MIA2: variants seen among roughly 807,000 people sequenced by gnomAD.
MIA2 encodes the protein MIA SH3 domain ER export factor 2.
In MIA2, 127 loss-of-function variants were observed where a neutral mutation model predicts 167.8. The observed-to-expected ratio is 0.76, with a 90% confidence interval of 0.66 to 0.88. The LOEUF (loss-of-function observed/expected upper bound fraction) is 0.88, where lower values mean the gene tolerates loss of function less well. Among genes scored for constraint, MIA2 ranks in the 40% least tolerant of loss-of-function variants. The pLI, the probability that MIA2 is intolerant of heterozygous loss-of-function variation, is 0.00. For missense variants in MIA2, 1,690 were observed against 1,624.7 expected, an observed-to-expected ratio of 1.04 and a Z score of -0.69; for synonymous variants, 552 against 541.9, an observed-to-expected ratio of 1.02 and a Z score of -0.26.
In MIA2 at chr14:39,312,202, A is replaced by C. The variant is rs375336944; in HGVS notation, c.3018-1138A>C. ...ATTTCTATTATTAATAGGCCCACCC[A>C]AATTCAATGGGAAGGTACATAAACC... is the stretch of plus-strand genomic sequence containing the variant. On this transcript the variant is annotated intron_variant, in intron 18 of 28. Coordinates refer to ENST00000640607, the MANE Select transcript of MIA2 (RefSeq NM_001329214.4). Among the ~76,000 whole-genome samples the C allele has an allele frequency of 6.0e-4, 92 of 152,292 alleles. 1 individual carries two copies. Among genetic ancestry groups the C allele is most frequent in the African/African-American group, 2.1e-3 (88 of 41,576 alleles).
At position 39,373,173 on chromosome 14, in the gene MIA2, T is replaced by C. The variant is rs79871786; in HGVS notation, c.2249-13712T>C. 7.4e-3 allele frequency among the ~76,000 whole-genome samples: 1,130 copies of C among 152,308 alleles called. 12 individuals carry two copies. Among genetic ancestry groups the C allele is most frequent in the African/African-American group, 0.026 (1,081 of 41,562 alleles). The stretch of plus-strand genomic sequence containing the variant: ...TTCAATGAAGAAGTGAAAAAGGATT[T>C]AATTATGGTTTTAGGATATCACTAA... On this transcript the variant is annotated intron_variant, in intron 23 of 23. Transcript: ENST00000341502.
intron 9 of MIA2, among the ~76,000 whole-genome samples, chr14:39,290,401 T>G (rs780028773): frequency 3.3e-5 from 5 of 152,192 alleles, no homozygotes; most frequent in Non-Finnish European, 5.9e-5. Context: ...CAACGTAGTC[T>G]TCAATTTGAT....
At position 39,350,530 on chromosome 14, in the gene MIA2, T is replaced by C. The variant is rs8177; in HGVS notation, c.*266T>C. ...GTGGGAGTTTTATATATGTAATCTT[T>C]CAGGTGGGGAGGCTTTAAATTCTGA... On this transcript the variant is annotated 3_prime_UTR_variant, in exon 29 of 29. Transcript: ENST00000640607. 30 of 310,088 alleles carry C rather than the reference T, an allele frequency of 9.7e-5. No individual in the cohort carries two copies. Among genetic ancestry groups the C allele is most frequent in the Middle Eastern group, 8.8e-4 (1 of 1,138 alleles). 19.2% of individuals were successfully genotyped at this position (310,088 alleles called of 1,614,324 possible).
At chr14:39,364,894 C>A (rs2074783771) in intron 23 of MIA2, among the ~76,000 whole-genome samples, 1 of 151,692 alleles carries the variant, frequency 6.6e-6, no homozygotes, top group Non-Finnish European at 1.5e-5. Flanking sequence ...CTGTTTTTGA[C>A]TTTAAACAGT....
intron 25 of MIA2, among the ~76,000 whole-genome samples, chr14:39,340,286 A>G (rs1247383533): frequency 1.3e-5 from 2 of 152,206 alleles, no homozygotes; most frequent in African/African-American, 4.8e-5. Flanking sequence ...CAAAGAGACT[A>G]AGCAACCATA....
Position 39,350,122 on chromosome 14 carries a change from GT to G in MIA2, c.4101del (p.Pro1368LeufsTer27). ...FAMRNVYPPR[G>X]FPPYLPPRPG... ...GTGAGAAATGTCTATCCACCGAGGG[GT>G]TTTCCTCCTTACCTTCCCCCAAGAC... On this transcript the variant is annotated frameshift_variant, in exon 29 of 29. Transcript: ENST00000640607. LOFTEE classifies it high-confidence loss of function. The G allele has an allele frequency of 2.2e-6, 3 of 1,382,096 alleles. No homozygotes were observed. Among genetic ancestry groups the G allele is most frequent in the Non-Finnish European group, 3.0e-6 (3 of 1,012,984 alleles). The allele number at this position is 1,382,096 out of a possible 1,614,324, so 85.6% of individuals were successfully genotyped here.
At chr14:39,317,561 TA>T (rs1005403227) in intron 21 of MIA2, among the ~76,000 whole-genome samples, 1 of 152,054 alleles carries the variant, frequency 6.6e-6, no homozygotes, top group African/African-American at 2.4e-5. Context: ...GATTTGAGGG[TA>T]GGGGGATAAT....
At chr14:39,280,088 G>A (rs879698930) in intron 9 of MIA2, among the ~76,000 whole-genome samples, 7 of 152,028 alleles carry the variant, frequency 4.6e-5, no homozygotes, top group African/African-American at 1.5e-4. Context: ...TTTCCTGGGC[G>A]TGTCGAGTTA....
chr14:39,267,980 A>ATTT lies in MIA2; in HGVS notation c.1888-8942_1888-8940dup, dbSNP rs10700134. Among the ~76,000 whole-genome samples, 204 of 144,916 alleles carry ATTT rather than the reference A, an allele frequency of 1.4e-3. 5 individuals are homozygous for ATTT. The highest frequency in any genetic ancestry group is 3.9e-3 in the South Asian group (18 of 4,618). ...CGGGGAGTTGAAATTTTGATTCTGC[A>ATTT]TTTTTTTTTTTTTTGGTAAAGAATG... On this transcript the variant is annotated intron_variant, in intron 6 of 28. Coordinates refer to ENST00000640607, the MANE Select transcript of MIA2 (RefSeq NM_001329214.4).
intron 23 of MIA2, among the ~76,000 whole-genome samples, chr14:39,377,151 C>T (rs1052081458): frequency 6.7e-6 from 1 of 150,348 alleles, no homozygotes; most frequent in Non-Finnish European, 1.5e-5. Context: ...TATTCCTAGA[C>T]GAATAGGTCT....
chr14:39,348,649 T>C, intron 27 of MIA2, 94 bp from the exon 28 acceptor site: 1 of 1,516,784 alleles, frequency 6.6e-7, no homozygotes, highest in Admixed American at 1.7e-5. Context: ...ATGGAATGCT[T>C]TCTGTCTAGA....
At chr14:39,281,086 C>T (rs777060666) in intron 9 of MIA2, among the ~76,000 whole-genome samples, 1 of 151,802 alleles carries the variant, frequency 6.6e-6, no homozygotes, top group Non-Finnish European at 1.5e-5. Flanking sequence ...CCATGTCCAG[C>T]TAATTTTTTA....
At chr14:39,376,513 A>G (rs1016033445) in intron 23 of MIA2, among the ~76,000 whole-genome samples, 3 of 152,244 alleles carry the variant, frequency 2.0e-5, no homozygotes, top group African/African-American at 7.2e-5. Flanking sequence ...AACAGAAAAC[A>G]TGGCCAATTT....
rs116379831 is a variant in MIA2 at position 39,292,773 on chromosome 14, A to G, written c.2209-498A>G. The G allele has an allele frequency of 8.5e-3, 1,600 of 188,164 alleles. 26 individuals carry two copies. The highest frequency in any genetic ancestry group is 0.035 in the African/African-American group (1,461 of 41,918). 11.7% of individuals were successfully genotyped at this position (188,164 alleles called of 1,614,324 possible). A position where few individuals can be genotyped will look rare whatever the true frequency, so the allele number is the denominator to read the frequency against. Reference sequence around the variant, plus strand: ...AATAACTAATCATTTTAAATTAAAAAGGTCATAGAAAATAGGTCTTAATTC... The same window carrying G: ...AATAACTAATCATTTTAAATTAAAAGGGTCATAGAAAATAGGTCTTAATTC... On this transcript the variant is annotated intron_variant, in intron 10 of 28. Coordinates refer to ENST00000640607, the MANE Select transcript of MIA2 (RefSeq NM_001329214.4).
chr14:39,291,933 A>C (rs1316344239), intron 10 of MIA2, among the ~76,000 whole-genome samples: 1 of 152,210 alleles, frequency 6.6e-6, no homozygotes, highest in Non-Finnish European at 1.5e-5. Flanking sequence ...CTAAAACAGA[A>C]AACAGTAGAC....
chr14:39,262,755 G>T (rs1173471448), intron 6 of MIA2, among the ~76,000 whole-genome samples: 1 of 152,062 alleles, frequency 6.6e-6, no homozygotes, highest in Admixed American at 6.6e-5. Context: ...GGATTCCTAG[G>T]TATTTTATTC....
chr14:39,371,915 G>A lies in MIA2; in HGVS notation c.2249-14970G>A, dbSNP rs367663156. ...GGGGCAACATCTCTAAGCTTACATG[G>A]TATTTAGTATTTACTACTTCAGAAG... On this transcript the variant is annotated intron_variant, in intron 23 of 23. Coordinates refer to the MIA2 transcript ENST00000341502. Among the ~76,000 whole-genome samples, 436 of 151,756 alleles carry A rather than the reference G, an allele frequency of 2.9e-3. 1 individual carries two copies. Among genetic ancestry groups the A allele is most frequent in the African/African-American group, 5.1e-3 (210 of 41,410 alleles).
At chr14:39,348,000 A>G (rs1312496338) in intron 27 of MIA2, among the ~76,000 whole-genome samples, 1 of 151,772 alleles carries the variant, frequency 6.6e-6, no homozygotes, top group Non-Finnish European at 1.5e-5. Flanking sequence ...TTTAGTAGAG[A>G]CGGAGTTTCA....
chr14:39,374,066 A>G (rs1371777770), intron 23 of MIA2, among the ~76,000 whole-genome samples: 1 of 83,384 alleles, frequency 1.2e-5, no homozygotes, highest in Non-Finnish European at 2.7e-5. Flanking sequence ...GTATGTTAAC[A>G]GATAAATAAA....
Sources: allele counts gnomAD v4.1 joint callset (sites outside exome capture counted in the v4.1 genomes callset), GRCh38; gene constraint gnomAD v4.1.1; transcripts MANE v1.5; gene names NCBI Gene and HGNC (gene_info 2026-07-23, HGNC 2026-07-21).